The following MDGA2 variants were observed in gnomAD, a reference collection of about 807,000 sequenced individuals.
MDGA2 encodes the protein MAM domain containing glycosylphosphatidylinositol anchor 2, also known as MAM domain-containing glycosylphosphatidylinositol anchor protein 2.
Under a neutral mutation model 117.8 loss-of-function variants are expected in MDGA2, and 40 were observed. That is an observed-to-expected ratio of 0.34 (90% CI 0.26 to 0.44). The LOEUF (loss-of-function observed/expected upper bound fraction) is 0.44. MDGA2 is among the 20% of genes least tolerant of loss of function. The probability of loss-of-function intolerance (pLI) is 1.00; values close to 1 mark genes in which losing one functional copy is unlikely to be tolerated. For synonymous variants in MDGA2, 452 were observed against 439.0 expected, an observed-to-expected ratio of 1.03 and a Z score of -0.37; for missense variants, 1,123 against 1,250.6, an observed-to-expected ratio of 0.90 and a Z score of 1.54.
At chr14:47,120,153 C>G (rs1417300532) in intron 5 of MDGA2, among the ~76,000 whole-genome samples, 1 of 152,138 alleles carries the variant, frequency 6.6e-6, no homozygotes, top group Non-Finnish European at 1.5e-5. Flanking sequence ...AAAGAAAAGA[C>G]TTTAAGAGTA....
intron 8 of MDGA2, among the ~76,000 whole-genome samples, chr14:46,966,398 T>C (rs1215062367): frequency 6.6e-6 from 1 of 152,204 alleles, no homozygotes; most frequent in African/African-American, 2.4e-5. Flanking sequence ...CTTGCCTTAC[T>C]GGTTATTTAA....
At chr14:47,463,625 A>C (rs1309042657) in intron 1 of MDGA2, among the ~76,000 whole-genome samples, 1 of 152,150 alleles carries the variant, frequency 6.6e-6, no homozygotes, top group Non-Finnish European at 1.5e-5. Flanking sequence ...ATATGTAAAG[A>C]GAGGGGTAGG....
chr14:47,294,856 A>T (rs1304484702), intron 2 of MDGA2, among the ~76,000 whole-genome samples: 1 of 152,220 alleles, frequency 6.6e-6, no homozygotes, highest in Non-Finnish European at 1.5e-5. Context: ...TCATGGTAAG[A>T]TTACCATTTG....
chr14:46,962,633 C>A (rs1050371698), intron 8 of MDGA2, among the ~76,000 whole-genome samples: 1 of 147,478 alleles, frequency 6.8e-6, no homozygotes, highest in Non-Finnish European at 1.5e-5. Flanking sequence ...ACAATATTGT[C>A]CAGATTTTAG....
At chr14:47,003,794 T>G (rs1887617573) in intron 8 of MDGA2, among the ~76,000 whole-genome samples, 1 of 152,044 alleles carries the variant, frequency 6.6e-6, no homozygotes, top group Admixed American at 6.6e-5. Context: ...GTGTCTAATT[T>G]ATTATTTATT....
chr14:47,622,151 T>C (rs1290644746), intron 1 of MDGA2, among the ~76,000 whole-genome samples: 1 of 152,152 alleles, frequency 6.6e-6, no homozygotes, highest in Non-Finnish European at 1.5e-5. Context: ...TGACAGTTAC[T>C]TAATAAATAC....
At chr14:47,661,746 CTTTTTTTTTTT>C (rs1172717995) in intron 1 of MDGA2, among the ~76,000 whole-genome samples, 1 of 97,192 alleles carries the variant, frequency 1.0e-5, no homozygotes, top group Non-Finnish European at 1.9e-5. Context: ...ATCAGAGTTT[CTTTTTTTTTTT>C]TTTTTTTTTT....
intron 1 of MDGA2, among the ~76,000 whole-genome samples, chr14:47,540,734 A>C (rs1046565559): frequency 1.3e-5 from 2 of 151,268 alleles, no homozygotes; most frequent in African/African-American, 4.9e-5. Flanking sequence ...CTAATTAAAA[A>C]CATGTATTTT....
At chr14:46,911,381 T>A (rs1883696365) in intron 10 of MDGA2, among the ~76,000 whole-genome samples, 1 of 152,228 alleles carries the variant, frequency 6.6e-6, no homozygotes. Flanking sequence ...AGTAGTTACG[T>A]AGTTTTATTG....
Position 47,035,167 on chromosome 14 carries a change from T to G in MDGA2, c.1663A>C (p.Met555Leu). The G allele has an allele frequency of 6.2e-7, 1 of 1,614,158 alleles. No homozygotes were observed. Among genetic ancestry groups the G allele is most frequent in the Non-Finnish European group, 8.5e-7 (1 of 1,180,020 alleles). ...TCCATTTGCATTGATCCATCAGGCA[T>G]TGCAACTTCTTTATCCGCTCTAGAC... Reference protein sequence around the residue: ...LWSRADKEVAMPDGSMQMESY... With the variant: ...LWSRADKEVALPDGSMQMESY... Residue 555 changes from methionine (M) to leucine (L), a missense_variant, in exon 8 of 17, where the codon ATG becomes CTG. By Grantham distance (15) the Met-to-Leu change is conservative. This residue lies in a region of MDGA2 where 890 missense variants were observed against 1,050.3 expected (regional missense o/e 0.85). Coordinates refer to ENST00000399232, the MANE Select transcript of MDGA2 (RefSeq NM_001113498.3).
chr14:47,231,407 C>G (rs1886684515), intron 2 of MDGA2, among the ~76,000 whole-genome samples: 1 of 152,046 alleles, frequency 6.6e-6, no homozygotes, highest in Non-Finnish European at 1.5e-5. Flanking sequence ...AAGTCCTACA[C>G]CATCTGAGTC....
At chr14:47,528,829 T>C (rs1000502491) in intron 1 of MDGA2, among the ~76,000 whole-genome samples, 1 of 152,144 alleles carries the variant, frequency 6.6e-6, no homozygotes, top group African/African-American at 2.4e-5. Flanking sequence ...AATAAGATCA[T>C]CAATATATTT....
At chr14:47,358,449 A>G (rs936546823) in intron 1 of MDGA2, among the ~76,000 whole-genome samples, 1 of 152,190 alleles carries the variant, frequency 6.6e-6, no homozygotes, top group African/African-American at 2.4e-5. Flanking sequence ...CAAATATAGT[A>G]CTGAAAGTAC....
intron 2 of MDGA2, among the ~76,000 whole-genome samples, chr14:47,279,819 C>T (rs1426110255): frequency 6.6e-6 from 1 of 152,016 alleles, no homozygotes; most frequent in Non-Finnish European, 1.5e-5. Context: ...CCCGCCATCC[C>T]CTAAATATGG....
chr14:47,523,803 A>G (rs1202525479), intron 1 of MDGA2, among the ~76,000 whole-genome samples: 1 of 152,178 alleles, frequency 6.6e-6, no homozygotes, highest in Non-Finnish European at 1.5e-5. Context: ...TATCCATCAT[A>G]TTAGAAGCTG....
At chr14:47,607,637 G>A (rs9323148) in intron 1 of MDGA2, among the ~76,000 whole-genome samples, 38,224 of 151,930 alleles carry the variant, frequency 0.25, 5,793 homozygotes, top group South Asian at 0.47. Flanking sequence ...GGGGTTAGAG[G>A]GTCCTTGCAA....
intron 1 of MDGA2, among the ~76,000 whole-genome samples, chr14:47,456,974 T>A (rs546517113): frequency 6.6e-6 from 1 of 152,050 alleles, no homozygotes; most frequent in Admixed American, 6.6e-5. Context: ...TTAATCAGTA[T>A]AATAAGATCT....
chr14:47,070,968 C>G (rs996612430), intron 6 of MDGA2, among the ~76,000 whole-genome samples: 4 of 152,218 alleles, frequency 2.6e-5, no homozygotes, highest in African/African-American at 9.7e-5. Context: ...TTTATTACAT[C>G]TGAGTTGAGT....
At chr14:47,440,380 G>C (rs1307198644) in intron 1 of MDGA2, among the ~76,000 whole-genome samples, 1 of 152,060 alleles carries the variant, frequency 6.6e-6, no homozygotes, top group Non-Finnish European at 1.5e-5. Context: ...ATCCTTACTT[G>C]CTGTCCTTCC....
Sources: gnomAD v4.1 joint callset for allele counts (sites outside exome capture counted in the v4.1 genomes callset) on GRCh38, gnomAD v4.1.1 for gene constraint, gnomAD v4.1.1 regional missense constraint, MANE v1.5 for transcripts, NCBI Gene and HGNC (gene_info 2026-07-23, HGNC 2026-07-21) for gene names.